The following SLC12A7 variants were observed in gnomAD, a reference collection of about 807,000 sequenced individuals.
SLC12A7 encodes K-Cl cotransporter 4.
SLC12A7 carries 100 observed loss-of-function variants against 120.6 expected under a neutral mutation model. That is an observed-to-expected ratio of 0.83 (90% confidence interval 0.71 to 0.98). The LOEUF is 0.98. SLC12A7 is among the 50% of genes least tolerant of loss of function. The probability of loss-of-function intolerance (pLI) is 0.00; values close to 1 mark genes in which losing one functional copy is unlikely to be tolerated. For synonymous variants in SLC12A7, 760 were observed against 678.0 expected, an observed-to-expected ratio of 1.12 and a Z score of -1.88; for missense variants, 1,373 against 1,548.1, an observed-to-expected ratio of 0.89 and a Z score of 1.90.
At position 1,057,480 on chromosome 5, in the gene SLC12A7, C is replaced by T; in HGVS notation, c.3017G>A (p.Ser1006Asn). The T allele has an allele frequency of 6.2e-7, 1 of 1,611,358 alleles. No individual in the cohort carries two copies. The highest frequency in any genetic ancestry group is 8.5e-7 in the Non-Finnish European group (1 of 1,179,442). Residue 1006 changes from serine (S) to asparagine (N), a missense_variant, in exon 22 of 24, where the codon AGC (serine) becomes AAC (asparagine). Coordinates refer to ENST00000264930, the MANE Select transcript of SLC12A7 (RefSeq NM_006598.3). ...ACGCACGGACACTCACGGCTTCATG[C>T]TGAAGAGGTCTTTGAAACCAGATAG... ...TSLSGFKDLF[S>N]MKPDQSNVRR...
chr5:1,123,760 T>A, the SLC12A7 span, among the ~76,000 whole-genome samples: 1 of 152,262 alleles, frequency 6.6e-6, no homozygotes, highest in Non-Finnish European at 1.5e-5. Flanking sequence ...GTAGGGCATA[T>A]CCTGAAGGTT....
At chr5:1,075,836 C>G in intron 14 of SLC12A7, 2 of 510,878 alleles carry the variant, frequency 3.9e-6, no homozygotes, top group South Asian at 6.8e-5. Context: ...TGGGCTACGC[C>G]CCAAGCCTGG....
At chr5:1,059,039 T>A (rs1325035109) in intron 21 of SLC12A7, among the ~76,000 whole-genome samples, 1 of 152,204 alleles carries the variant, frequency 6.6e-6, no homozygotes, top group Non-Finnish European at 1.5e-5. Context: ...CATGGGTGGA[T>A]TCTTGTTCCT....
At chr5:1,054,505 C>T (rs142666400) in intron 22 of SLC12A7, among the ~76,000 whole-genome samples, 99 of 152,156 alleles carry the variant, frequency 6.5e-4, no homozygotes, top group Non-Finnish European at 1.2e-3. Context: ...CCTGGGGAAA[C>T]GCTGGGCGGA....
At chr5:1,146,717 C>G in the SLC12A7 span, among the ~76,000 whole-genome samples, 12 of 152,214 alleles carry the variant, frequency 7.9e-5, no homozygotes, top group African/African-American at 2.7e-4. This position sits in a 1 kb window ranked among gnomAD's most constrained non-coding sequence, Gnocchi z 6.5. Flanking sequence ...TACCTGGAGG[C>G]TTCACCTGCA....
intron 1 of SLC12A7, among the ~76,000 whole-genome samples, chr5:1,095,219 C>T (rs1741006706): frequency 6.6e-6 from 1 of 152,194 alleles, no homozygotes; most frequent in Non-Finnish European, 1.5e-5. Flanking sequence ...AGGCCTTGGT[C>T]TAAGACTTTC....
intron 12 of SLC12A7, among the ~76,000 whole-genome samples, 183 bp downstream of exon 12, chr5:1,077,650 C>T (rs1003220208): frequency 6.6e-6 from 1 of 151,892 alleles, no homozygotes; most frequent in Non-Finnish European, 1.5e-5. Context: ...CTAGAATTGC[C>T]TCTGCCCACC....
chr5:1,145,149 G>A, the SLC12A7 span, among the ~76,000 whole-genome samples: 1 of 152,236 alleles, frequency 6.6e-6, no homozygotes, highest in Non-Finnish European at 1.5e-5. The surrounding 1 kb of genome is among the most constrained non-coding windows in gnomAD (Gnocchi z 4.4). Context: ...AGGGAACCTG[G>A]CCGAGAACTC....
At position 1,052,432 on chromosome 5, in the gene SLC12A7, G is replaced by GACTT; in HGVS notation, c.3176_3179dup (p.Leu1061SerfsTer62). On this transcript the variant is annotated frameshift_variant, in exon 24 of 24. Transcript: ENST00000264930. LOFTEE classifies it high-confidence loss of function. ...GGACTCTGTTCAGCCCCTCGGTCAG[G>GACTT]ACTTCAAGAAACTCCATGTCTGTGG... is the stretch of plus-strand genomic sequence containing the variant. 6.2e-7 allele frequency: 1 copy of GACTT among 1,612,838 alleles called. No individual in the cohort carries two copies. Among genetic ancestry groups the GACTT allele is most frequent in the South Asian group, 1.1e-5 (1 of 91,076 alleles).
chr5:1,086,912 C>A lies in SLC12A7; in HGVS notation c.666G>T (p.Glu222Asp). The A allele has an allele frequency of 6.2e-7, 1 of 1,612,654 alleles. No individual in the cohort carries two copies. The highest frequency in any genetic ancestry group is 8.5e-7 in the Non-Finnish European group (1 of 1,179,778). ...AAAGCAGCACACTTACCAGAAAAAT[C>A]TCGATGGTCCCCAAAATATACATGG... ...AGAMYILGTIEIFLTYISPGA... is the reference protein window; with the variant it reads ...AGAMYILGTIDIFLTYISPGA... Residue 222 changes from glutamate to aspartate, a missense_variant, in exon 6 of 24, where the codon GAG (glutamate) becomes GAT (aspartate). By Grantham distance (45) the Glu-to-Asp change is conservative. Coordinates refer to ENST00000264930, the MANE Select transcript of SLC12A7 (RefSeq NM_006598.3).
At chr5:1,065,799 C>T (rs1736989478) in intron 17 of SLC12A7, among the ~76,000 whole-genome samples, 1 of 152,106 alleles carries the variant, frequency 6.6e-6, no homozygotes, top group African/African-American at 2.4e-5. Flanking sequence ...ACCCCCAGTT[C>T]ACTCGGACGC....
chr5:1,060,807 T>C (rs959705229), intron 20 of SLC12A7, among the ~76,000 whole-genome samples: 1 of 152,084 alleles, frequency 6.6e-6, no homozygotes, highest in Non-Finnish European at 1.5e-5. Flanking sequence ...ACAGGTGTCA[T>C]TGTCTATGCT....
chr5:1,144,358 AGTG>A, the SLC12A7 span, among the ~76,000 whole-genome samples: 1 of 152,228 alleles, frequency 6.6e-6, no homozygotes, highest in Non-Finnish European at 1.5e-5. Context: ...TCCGACAAGG[AGTG>A]GCCCCTTTGA....
the SLC12A7 span, among the ~76,000 whole-genome samples, chr5:1,149,737 T>C: frequency 6.6e-6 from 1 of 151,908 alleles, no homozygotes; most frequent in Non-Finnish European, 1.5e-5. Context: ...TTTGAAGAAA[T>C]GGCTATTCAA....
Position 1,111,926 on chromosome 5 carries a change from G to C in SLC12A7, c.66C>G (p.Ala22=). 1 of 1,282,424 alleles carries C rather than the reference G, an allele frequency of 7.8e-7. No homozygotes were observed. The highest frequency in any genetic ancestry group is 9.9e-7 in the Non-Finnish European group (1 of 1,013,264). The allele number at this position is 1,282,424 out of a possible 1,614,324, so 79.4% of individuals were successfully genotyped here. The part of the protein sequence containing the change: ...AHADGGGDET[A]ERTEAPGTPE... ...GGGTGCCCGGAGCCTCCGTCCGCTCGGCAGTCTCGTCCCCGCCGCCGTCGG... is the reference window on the plus strand; with the variant it reads ...GGGTGCCCGGAGCCTCCGTCCGCTCCGCAGTCTCGTCCCCGCCGCCGTCGG... Residue 22 remains alanine, a synonymous_variant, in exon 1 of 24, where the codon GCC becomes GCG. Transcript: ENST00000264930.
chr5:1,083,710 C>T, intron 8 of SLC12A7, 35 bp downstream of exon 8: 1 of 1,594,434 alleles, frequency 6.3e-7, no homozygotes, highest in Non-Finnish European at 8.5e-7. Context: ...GCCCCCGCCA[C>T]CCCCCAGCTC....
At chr5:1,110,696 T>G (rs1742932589) in intron 1 of SLC12A7, among the ~76,000 whole-genome samples, 1 of 152,200 alleles carries the variant, frequency 6.6e-6, no homozygotes, top group Non-Finnish European at 1.5e-5. Flanking sequence ...GAGAAGGGGC[T>G]TGGACTCACG....
intron 3 of SLC12A7, 144 bp downstream of exon 3, chr5:1,093,389 C>A (rs1462370134): frequency 2.4e-6 from 2 of 836,542 alleles, no homozygotes; most frequent in Non-Finnish European, 3.7e-6. Context: ...CCATCGAGCC[C>A]TCCCAGGAAG....
chr5:1,111,501 C>G (rs1338749640), intron 1 of SLC12A7, among the ~76,000 whole-genome samples: 2 of 152,116 alleles, frequency 1.3e-5, no homozygotes, highest in Non-Finnish European at 2.9e-5. Context: ...CCCCGGCTCC[C>G]GAACCGCCCG....
Sources: gnomAD v4.1 joint callset for allele counts (sites outside exome capture counted in the v4.1 genomes callset) on GRCh38, gnomAD v4.1.1 for gene constraint, Gnocchi (gnomAD v3.1) non-coding constraint, MANE v1.5 for transcripts, NCBI Gene and HGNC (gene_info 2026-07-23, HGNC 2026-07-21) for gene names.